Variants in ERBB4 observed in about 807,000 individuals in gnomAD.
ERBB4 encodes the protein erb-b2 receptor tyrosine kinase 4, also known as receptor tyrosine-protein kinase erbB-4.
Under a neutral mutation model 158.0 loss-of-function variants are expected in ERBB4, and 42 were observed. That is an observed-to-expected ratio of 0.27 (90% confidence interval 0.21 to 0.34). The LOEUF (loss-of-function observed/expected upper bound fraction) is 0.34. ERBB4 is among the 10% of genes least tolerant of loss of function. The pLI is 1.00. For missense variants in ERBB4, 1,333 were observed against 1,624.1 expected (o/e 0.82, Z 3.08); for synonymous variants, 583 against 558.7 (o/e 1.04, Z -0.61).
chr2:212,227,782 G>A (rs527386187), intron 1 of ERBB4, among the ~76,000 whole-genome samples: 130 of 152,136 alleles, frequency 8.5e-4, no homozygotes, highest in African/African-American at 2.7e-3. Flanking sequence ...CCGTGGACAA[G>A]GAGGAGAGTT....
intron 2 of ERBB4, among the ~76,000 whole-genome samples, chr2:212,000,551 G>C (rs191666048): frequency 1.3e-5 from 2 of 151,846 alleles, no homozygotes; most frequent in East Asian, 3.9e-4. Context: ...GCAAATAACT[G>C]CGTTAGAATT....
At chr2:211,392,761 C>T (rs549764134) in intron 25 of ERBB4, among the ~76,000 whole-genome samples, 43 of 152,118 alleles carry the variant, frequency 2.8e-4, no homozygotes, top group Non-Finnish European at 4.7e-4. Flanking sequence ...CTCTGCCTCC[C>T]GGGTTCAAGC....
chr2:211,847,761 C>T (rs2077625486), intron 3 of ERBB4, among the ~76,000 whole-genome samples: 1 of 152,168 alleles, frequency 6.6e-6, no homozygotes, highest in Admixed American at 6.6e-5. Flanking sequence ...ACAGCCATCA[C>T]TTCTATTACC....
intron 1 of ERBB4, among the ~76,000 whole-genome samples, chr2:212,325,534 T>C (rs1017321550): frequency 2.0e-5 from 3 of 150,834 alleles, no homozygotes; most frequent in African/African-American, 7.3e-5. Flanking sequence ...CTAGGCTATG[T>C]TTTTCTTTTC....
chr2:211,569,293 A>G (rs1048090051), intron 19 of ERBB4, among the ~76,000 whole-genome samples: 3 of 152,158 alleles, frequency 2.0e-5, no homozygotes, highest in Non-Finnish European at 4.4e-5. Flanking sequence ...TCCACTCCGG[A>G]TTACACTGAA....
At chr2:211,612,161 G>A (rs1318733747) in intron 19 of ERBB4, among the ~76,000 whole-genome samples, 1 of 151,886 alleles carries the variant, frequency 6.6e-6, no homozygotes, top group African/African-American at 2.4e-5. Flanking sequence ...AGAACAATTG[G>A]GAAAAATATC....
intron 4 of ERBB4, among the ~76,000 whole-genome samples, chr2:211,781,867 TG>T (rs1163969411): frequency 6.6e-6 from 1 of 152,164 alleles, no homozygotes; most frequent in Non-Finnish European, 1.5e-5. Flanking sequence ...GCAGGCCTCC[TG>T]GGGCTTCAAA....
At chr2:212,080,406 C>G (rs372276333) in intron 2 of ERBB4, among the ~76,000 whole-genome samples, 4 of 150,910 alleles carry the variant, frequency 2.7e-5, no homozygotes, top group African/African-American at 9.7e-5. Flanking sequence ...AAAAATGATA[C>G]AGTTGAGGGG....
intron 1 of ERBB4, among the ~76,000 whole-genome samples, chr2:212,344,194 A>T (rs1365063586): frequency 6.6e-6 from 1 of 152,142 alleles, no homozygotes; most frequent in Non-Finnish European, 1.5e-5. Context: ...AAAAATAGAG[A>T]GTTAAAGCAA....
chr2:211,946,900 T>C (rs987317102), intron 3 of ERBB4, among the ~76,000 whole-genome samples: 2 of 152,068 alleles, frequency 1.3e-5, no homozygotes, highest in African/African-American at 4.8e-5. Flanking sequence ...AAACCTACTC[T>C]GATGATCTGA....
intron 5 of ERBB4, among the ~76,000 whole-genome samples, chr2:211,728,132 T>C (rs982122852): frequency 6.6e-6 from 1 of 151,888 alleles, no homozygotes; most frequent in African/African-American, 2.4e-5. Flanking sequence ...ACTGAATTTT[T>C]CCCAATCAAC....
chr2:212,401,310 A>G (rs1274071563), intron 1 of ERBB4, among the ~76,000 whole-genome samples: 1 of 152,144 alleles, frequency 6.6e-6, no homozygotes, highest in African/African-American at 2.4e-5. Flanking sequence ...AGTTATTGTG[A>G]AGATCAAGTA....
intron 1 of ERBB4, among the ~76,000 whole-genome samples, chr2:212,390,286 T>C (rs940577973): frequency 1.3e-5 from 2 of 151,828 alleles, no homozygotes; most frequent in Non-Finnish European, 2.9e-5. Flanking sequence ...CATTTATTAG[T>C]ATTTTAAGTA....
chr2:212,533,149 GC>G (rs1461883513), intron 1 of ERBB4, among the ~76,000 whole-genome samples: 2 of 152,116 alleles, frequency 1.3e-5, no homozygotes, highest in African/African-American at 4.8e-5. Context: ...AAATACAAAT[GC>G]CTTTGAGTTA....
intron 2 of ERBB4, among the ~76,000 whole-genome samples, chr2:212,090,317 C>A (rs532973641): frequency 6.6e-6 from 1 of 152,098 alleles, no homozygotes; most frequent in Non-Finnish European, 1.5e-5. Context: ...TTATTCAATG[C>A]CCATTGTACT....
At chr2:211,868,391 G>C (rs915070246) in intron 3 of ERBB4, among the ~76,000 whole-genome samples, 1 of 152,168 alleles carries the variant, frequency 6.6e-6, no homozygotes, top group African/African-American at 2.4e-5. Context: ...GTTCCCATAA[G>C]TTGCTATTGC....
chr2:212,166,007 A>T (rs1055228715), intron 1 of ERBB4, among the ~76,000 whole-genome samples: 4 of 152,086 alleles, frequency 2.6e-5, no homozygotes, highest in Non-Finnish European at 4.4e-5. Context: ...TTTTGGTGAC[A>T]TAATTCTTAT....
chr2:212,003,500 G>A (rs555877179), intron 2 of ERBB4, among the ~76,000 whole-genome samples: 11 of 152,096 alleles, frequency 7.2e-5, no homozygotes, highest in East Asian at 5.8e-4. Context: ...CAGCCAATTC[G>A]TGCTGACTTC....
rs2064038344 is a variant in ERBB4, at chr2:211,443,605, T to G, written c.2488-12505A>C. On this transcript the variant is annotated intron_variant, in intron 20 of 27. Coordinates refer to ENST00000342788, the MANE Select transcript of ERBB4 (RefSeq NM_005235.3). ...ATAAAAACAGTTCTAAAGGGTCATT[T>G]TTAACCCATTCCTGTTTATCATTGA... 2.6e-5 allele frequency among the ~76,000 whole-genome samples: 4 copies of G among 152,186 alleles called. No homozygotes were observed. The South Asian group carries it at 8.3e-4, about 32-fold the overall frequency.
Sources: allele counts gnomAD v4.1 joint callset (sites outside exome capture counted in the v4.1 genomes callset), GRCh38; gene constraint gnomAD v4.1.1; transcripts MANE v1.5; gene names NCBI Gene and HGNC (gene_info 2026-07-23, HGNC 2026-07-21).